The following PABPC1 variants were observed in gnomAD, a reference collection of about 807,000 sequenced individuals.
The protein encoded by PABPC1 is poly(A) binding protein cytoplasmic 1.
Under a neutral mutation model 74.0 loss-of-function variants are expected in PABPC1, and 4 were observed. The ratio of observed to expected loss-of-function variants is 0.05; its 90% confidence interval spans 0.03 to 0.12. PABPC1 has a LOEUF of 0.12. Ranked by LOEUF, PABPC1 falls within the 10% of genes least tolerant of loss-of-function variation. The pLI is 1.00. For synonymous variants in PABPC1, 227 were observed against 264.1 expected (o/e 0.86, Z 1.36); for missense variants, 271 against 821.1 (o/e 0.33, Z 8.19).
intron 7 of PABPC1, among the ~76,000 whole-genome samples, chr8:100,711,205 G>A (rs935671323): frequency 2.6e-5 from 4 of 152,094 alleles, no homozygotes; most frequent in East Asian, 1.9e-4. Context: ...GCTTGAACCC[G>A]GGAGGCGGAG....
chr8:100,720,157 TA>T (rs1437507408), intron 1 of PABPC1, among the ~76,000 whole-genome samples: 2 of 152,142 alleles, frequency 1.3e-5, no homozygotes, highest in Non-Finnish European at 2.9e-5. Flanking sequence ...GGCCAGCCTG[TA>T]GGGGGGGAAA....
Position 100,704,341 on chromosome 8 carries a change from G to A in PABPC1, c.1868C>T (p.Ala623Val). 3 of 1,614,032 alleles carry A rather than the reference G, an allele frequency of 1.9e-6. No homozygotes were observed. In the South Asian group the frequency reaches 3.3e-5, roughly 18 times the overall value. The change falls in exon 14 of 15, where the codon GCC (alanine) becomes GTC (valine). Residue 623 changes from alanine (A) to valine (V), a missense_variant. Ala to Val is a moderately conservative substitution (Grantham distance 64, BLOSUM62 0). Coordinates refer to ENST00000318607, the MANE Select transcript of PABPC1 (RefSeq NM_002568.4). ...GGTGGCACTGTTAACTGCTTTCTGG[G>A]CAGCCTCTTTAGCTTGGTGGGCTTG... is the stretch of plus-strand genomic sequence containing the variant. ...VLQAHQAKEAAQKAVNSATGV... is the reference protein window; with the variant it reads ...VLQAHQAKEAVQKAVNSATGV...
chr8:100,721,674 AGGGGAGC>A lies in PABPC1; in HGVS notation c.-98_-92del. On this transcript the variant is annotated 5_prime_UTR_variant, in exon 1 of 15. Transcript: ENST00000318607. The surrounding 1 kb of genome is among the most constrained non-coding windows in gnomAD (Gnocchi z 7.4). ...GGGGCTGGGGGCCGGAGCCGGGGGG[AGGGGAGC>A]GGGGAGCAAGCGCAGAGGGACAAAA... 1 of 370,962 alleles carries A rather than the reference AGGGGAGC, an allele frequency of 2.7e-6. No homozygotes were observed. The highest frequency in any genetic ancestry group is 4.5e-6 in the Non-Finnish European group (1 of 221,988). 23.0% of individuals were successfully genotyped at this position (370,962 alleles called of 1,614,324 possible).
chr8:100,712,910 T>G, intron 5 of PABPC1, 121 bp from the exon 6 acceptor site: 2 of 1,264,212 alleles, frequency 1.6e-6, no homozygotes, highest in Non-Finnish European at 2.1e-6. Context: ...CATCCCAAAA[T>G]CTCAAGGTTT....
intron 9 of PABPC1, chr8:100,707,278 G>T: frequency 3.6e-6 from 1 of 275,162 alleles, no homozygotes; most frequent in South Asian, 3.6e-5. Flanking sequence ...ATAAAGACAC[G>T]AGACACAGAG....
Position 100,721,732 on chromosome 8 carries a change from A to C in PABPC1, c.-149T>G. The C allele has an allele frequency of 1.5e-5, 9 of 615,152 alleles. No homozygotes were observed. The highest frequency in any genetic ancestry group is 2.3e-5 in the Non-Finnish European group (9 of 391,160). The allele number at this position is 615,152 out of a possible 1,614,324, so 38.1% of individuals were successfully genotyped here. ...ATCAACCGGAATTGAAAACTACTCA[A>C]CGGCCGCAGAACGGGGTCGATCCAC... On this transcript the variant is annotated 5_prime_UTR_variant, in exon 1 of 15. Transcript: ENST00000318607. The surrounding 1 kb of genome is among the most constrained non-coding windows in gnomAD (Gnocchi z 7.4).
At chr8:100,710,584 C>A (rs1198355623) in intron 7 of PABPC1, among the ~76,000 whole-genome samples, 1 of 152,202 alleles carries the variant, frequency 6.6e-6, no homozygotes. Context: ...CAGGTAGATT[C>A]TGAATCTGAA....
chr8:100,703,747 A>C (rs1295512628), intron 14 of PABPC1, among the ~76,000 whole-genome samples: 1 of 152,146 alleles, frequency 6.6e-6, no homozygotes, highest in Non-Finnish European at 1.5e-5. Flanking sequence ...CATTTTATAT[A>C]TATATTACTA....
chr8:100,720,574 T>C (rs552347720), intron 1 of PABPC1, among the ~76,000 whole-genome samples: 2 of 152,292 alleles, frequency 1.3e-5, no homozygotes, highest in African/African-American at 2.4e-5. Context: ...TAACATAATA[T>C]ACTCGAAAAC....
chr8:100,709,139 G>A lies in PABPC1; in HGVS notation c.1330C>T (p.Pro444Ser). The A allele has an allele frequency of 6.2e-7, 1 of 1,612,896 alleles. No individual in the cohort carries two copies. The highest frequency in any genetic ancestry group is 8.5e-7 in the Non-Finnish European group (1 of 1,179,370). ...SPRWTAQGAR[P>S]HPFQNMPGAI... ...TAAAAGAAAAAAGACTTACGATGAGGTCTGGCACCCTGAGCAGTCCAGCGA... is the reference window on the plus strand; with the variant it reads ...TAAAAGAAAAAAGACTTACGATGAGATCTGGCACCCTGAGCAGTCCAGCGA... The change falls in exon 9 of 15, where the codon CCT (proline) becomes TCT (serine). Residue 444 changes from proline (P) to serine (S), a missense_variant. Pro to Ser is a moderately conservative substitution (Grantham distance 74, BLOSUM62 -1). Transcript: ENST00000318607.
chr8:100,705,732 T>C (rs887061200), intron 11 of PABPC1, 59 bp from the exon 12 acceptor site: 5 of 1,067,394 alleles, frequency 4.7e-6, no homozygotes, highest in African/African-American at 1.6e-5. Flanking sequence ...CAAATACAAA[T>C]AGTCATCAAT....
chr8:100,721,640 G>C lies in PABPC1; in HGVS notation c.-57C>G. 1 of 1,367,464 alleles carries C rather than the reference G, an allele frequency of 7.3e-7. No homozygotes were observed. The highest frequency in any genetic ancestry group is 9.6e-7 in the Non-Finnish European group (1 of 1,038,990). The allele number at this position is 1,367,464 out of a possible 1,614,324, so 84.7% of individuals were successfully genotyped here. A position where few individuals can be genotyped will look rare whatever the true frequency, so the allele number is the denominator to read the frequency against. ...GCGACCTTTCCGTGAGAGGAGGAGA[G>C]CGAGTGCCGGGGCTGGGGGCCGGAG... On this transcript the variant is annotated 5_prime_UTR_variant, in exon 1 of 15. Coordinates refer to ENST00000318607, the MANE Select transcript of PABPC1 (RefSeq NM_002568.4). The surrounding 1 kb of genome is among the most constrained non-coding windows in gnomAD (Gnocchi z 7.4).
Position 100,721,754 on chromosome 8 carries a change from C to T in PABPC1, c.-171G>A, listed in dbSNP as rs1013828528. 30 of 538,158 alleles carry T rather than the reference C, an allele frequency of 5.6e-5. No homozygotes were observed. Among genetic ancestry groups the T allele is most frequent in the Middle Eastern group, 5.3e-4 (1 of 1,892 alleles). The allele number at this position is 538,158 out of a possible 1,614,324, so 33.3% of individuals were successfully genotyped here. On this transcript the variant is annotated 5_prime_UTR_variant, in exon 1 of 15. Coordinates refer to ENST00000318607, the MANE Select transcript of PABPC1 (RefSeq NM_002568.4). The surrounding 1 kb of genome is among the most constrained non-coding windows in gnomAD (Gnocchi z 7.4). The stretch of plus-strand genomic sequence containing the variant: ...TCAACGGCCGCAGAACGGGGTCGAT[C>T]CACTGCCGCTGGCTGCCGGCTGCCG...
At chr8:100,711,529 C>G (rs1810527197) in intron 7 of PABPC1, among the ~76,000 whole-genome samples, 3 of 152,158 alleles carry the variant, frequency 2.0e-5, no homozygotes, top group Admixed American at 2.0e-4. Context: ...TGCTGATGCA[C>G]AACACTCAAT....
chr8:100,710,861 C>A (rs2129706043), intron 7 of PABPC1, among the ~76,000 whole-genome samples: 1 of 152,220 alleles, frequency 6.6e-6, no homozygotes, highest in South Asian at 2.1e-4. Flanking sequence ...GTGGCAGGTG[C>A]ATATAATCCC....
intron 9 of PABPC1, among the ~76,000 whole-genome samples, chr8:100,707,791 G>C (rs764535567): frequency 2.0e-5 from 3 of 152,310 alleles, no homozygotes; most frequent in Non-Finnish European, 2.9e-5. Context: ...TCCCTTTCCC[G>C]GTCTGCTAAA....
intron 8 of PABPC1, 103 bp downstream of exon 8, chr8:100,709,356 C>T (rs938182474): frequency 1.3e-6 from 2 of 1,489,606 alleles, no homozygotes; most frequent in Non-Finnish European, 1.9e-6. Flanking sequence ...ATCATAATTC[C>T]CCTTTCTTAA....
chr8:100,721,437 G>T lies in PABPC1; in HGVS notation c.147C>A (p.Arg49=). 6.2e-7 allele frequency: 1 copy of T among 1,601,748 alleles called. No homozygotes were observed. Among genetic ancestry groups the T allele is most frequent in the Non-Finnish European group, 8.5e-7 (1 of 1,174,110 alleles). The part of the protein sequence containing the change: ...SIRVCRDMIT[R]RSLGYAYVNF... ...TCACATACGCGTAGCCCAAGGAGCG[G>T]CGGGTGATCATGTCCCTGCAGACCC... The change falls in exon 1 of 15, where the codon CGC becomes CGA. Residue 49 remains arginine, a synonymous_variant. Transcript: ENST00000318607. This position sits in a 1 kb window ranked among gnomAD's most constrained non-coding sequence, Gnocchi z 7.4.
Position 100,707,150 on chromosome 8 carries a change from C to G in PABPC1, c.1337-153G>C, listed in dbSNP as rs1810401431. ...TCTTAACACTTGCCATTTTCCCAGACTCAGAGCATCAATAAGTAAAAACAT... is the reference window on the plus strand; with the variant it reads ...TCTTAACACTTGCCATTTTCCCAGAGTCAGAGCATCAATAAGTAAAAACAT... On this transcript the variant is annotated intron_variant, in intron 9 of 14. Coordinates refer to ENST00000318607, the MANE Select transcript of PABPC1 (RefSeq NM_002568.4). 5 of 570,144 alleles carry G rather than the reference C, an allele frequency of 8.8e-6. 1 individual carries two copies. The highest frequency in any genetic ancestry group is 6.1e-5 in the Admixed American group (2 of 32,916). The allele number at this position is 570,144 out of a possible 1,614,324, so 35.3% of individuals were successfully genotyped here.
Sources: gnomAD v4.1 joint callset for allele counts (sites outside exome capture counted in the v4.1 genomes callset) on GRCh38, gnomAD v4.1.1 for gene constraint, Gnocchi (gnomAD v3.1) non-coding constraint, MANE v1.5 for transcripts, NCBI Gene and HGNC (gene_info 2026-07-23, HGNC 2026-07-21) for gene names.